Variants in SRL observed in about 807,000 individuals in gnomAD.
SRL encodes the protein sarcalumenin.
In SRL, 23 loss-of-function variants were observed where a neutral mutation model predicts 39.5. The observed-to-expected ratio is 0.58, with a 90% CI of 0.42 to 0.82. The LOEUF is 0.82. Ranked by LOEUF, SRL falls within the 40% of genes least tolerant of loss-of-function variation. The probability of loss-of-function intolerance (pLI) is 0.00; values close to 1 mark genes in which losing one functional copy is unlikely to be tolerated. For missense variants in SRL, 592 were observed against 607.8 expected (o/e 0.97, Z 0.27); for synonymous variants, 272 against 237.4 (o/e 1.15, Z -1.34).
At chr16:4,204,011 TG>T (rs2052277022) in intron 2 of SRL, among the ~76,000 whole-genome samples, 1 of 152,170 alleles carries the variant, frequency 6.6e-6, no homozygotes, top group South Asian at 2.1e-4. Flanking sequence ...GGAAGGCCTA[TG>T]GGGTGACGAG....
chr16:4,213,912 T>A (rs1224416323), intron 1 of SRL, among the ~76,000 whole-genome samples: 3 of 152,144 alleles, frequency 2.0e-5, no homozygotes, highest in Non-Finnish European at 4.4e-5. Context: ...GTCGTTTGCC[T>A]CACAAGTCAT....
chr16:4,215,957 G>A (rs1047103824), intron 1 of SRL, among the ~76,000 whole-genome samples: 4 of 152,070 alleles, frequency 2.6e-5, no homozygotes, highest in South Asian at 2.1e-4. Context: ...GACCTCTTGA[G>A]CCTAGGAGTT....
At chr16:4,211,824 T>C (rs1161199409) in intron 1 of SRL, among the ~76,000 whole-genome samples, 1 of 151,742 alleles carries the variant, frequency 6.6e-6, no homozygotes, top group Non-Finnish European at 1.5e-5. Context: ...ATGGCAGCAA[T>C]GGTGGTGATG....
intron 1 of SRL, among the ~76,000 whole-genome samples, chr16:4,216,763 C>G (rs1213998362): frequency 1.3e-5 from 2 of 152,084 alleles, no homozygotes; most frequent in Non-Finnish European, 1.5e-5. Context: ...AGGGGCCGAG[C>G]TGGGGAGGAA....
Position 4,191,753 on chromosome 16 carries a change from A to T in SRL, c.*400T>A, listed in dbSNP as rs2052068261. 1 of 172,318 alleles carries T rather than the reference A, an allele frequency of 5.8e-6. No homozygotes were observed. The highest frequency in any genetic ancestry group is 1.2e-5 in the Non-Finnish European group (1 of 81,726). 10.7% of individuals were successfully genotyped at this position (172,318 alleles called of 1,614,324 possible). On this transcript the variant is annotated 3_prime_UTR_variant, in exon 6 of 6. Coordinates refer to ENST00000399609, the MANE Select transcript of SRL (RefSeq NM_001098814.2). ...GGAAAGAAGCCAAAATGGACCTGAC[A>T]ATCTCTACGACTCAGGCCTTCGCTG...
chr16:4,223,231 C>CA (rs34513855), intron 1 of SRL, among the ~76,000 whole-genome samples: 7,470 of 95,966 alleles, frequency 0.078, 277 homozygotes, highest in African/African-American at 0.11. Flanking sequence ...AACTCTGTCT[C>CA]AAAAAAAAAA....
chr16:4,234,698 C>A (rs1042672982), intron 1 of SRL, among the ~76,000 whole-genome samples: 1 of 152,156 alleles, frequency 6.6e-6, no homozygotes, highest in Non-Finnish European at 1.5e-5. Context: ...GGGATGAGCA[C>A]AGGGGACTGG....
At chr16:4,204,716 T>C (rs1447570808) in intron 1 of SRL, 82 bp from the exon 2 acceptor site, 2 of 1,278,568 alleles carry the variant, frequency 1.6e-6, no homozygotes, top group South Asian at 1.2e-5. Flanking sequence ...AGACGAGGGC[T>C]GGGCCTCAAG....
intron 1 of SRL, among the ~76,000 whole-genome samples, chr16:4,233,309 T>A (rs1346481220): frequency 6.6e-6 from 1 of 152,236 alleles, no homozygotes; most frequent in African/African-American, 2.4e-5. Context: ...CATCTTCAGG[T>A]GTCTCTGCCT....
intron 1 of SRL, among the ~76,000 whole-genome samples, chr16:4,221,622 T>C (rs936061083): frequency 2.0e-5 from 3 of 152,326 alleles, no homozygotes; most frequent in East Asian, 1.9e-4. Context: ...AAGGCCCAGA[T>C]CCCTGCACTG....
rs190966106 is a variant in SRL at position 4,221,234 on chromosome 16, G to C, written c.62-16600C>G. On this transcript the variant is annotated intron_variant, in intron 1 of 5. Coordinates refer to ENST00000399609, the MANE Select transcript of SRL (RefSeq NM_001098814.2). The stretch of plus-strand genomic sequence containing the variant: ...CAGCTAATTTTTTGTATTTTTAGTA[G>C]AGATGGGTTTCACCATGTTAGCCAG... Among the ~76,000 whole-genome samples, 408 of 152,150 alleles carry C rather than the reference G, an allele frequency of 2.7e-3. 1 individual carries two copies. The highest frequency in any genetic ancestry group is 9.4e-3 in the African/African-American group (391 of 41,534).
Position 4,211,117 on chromosome 16 carries a change from C to A in SRL, c.62-6483G>T, listed in dbSNP as rs956498594. Among the ~76,000 whole-genome samples the A allele has an allele frequency of 2.6e-5, 4 of 151,918 alleles. No individual in the cohort carries two copies. The South Asian group carries it at 6.2e-4, about 24-fold the overall frequency. ...TTGGTCCCATGCTTCCCTTTCTCTGCAGTTTTGATTTAAATAATCCAGGGT... is the reference window on the plus strand; with the variant it reads ...TTGGTCCCATGCTTCCCTTTCTCTGAAGTTTTGATTTAAATAATCCAGGGT... On this transcript the variant is annotated intron_variant, in intron 1 of 5. Coordinates refer to ENST00000399609, the MANE Select transcript of SRL (RefSeq NM_001098814.2).
Position 4,192,223 on chromosome 16 carries a change from T to C in SRL, c.1352A>G (p.Asn451Ser), listed in dbSNP as rs1452731068. The change falls in exon 6 of 6, where the codon AAT becomes AGT. Residue 451 changes from asparagine (N) to serine (S), a missense_variant. By Grantham distance (46) the Asn-to-Ser change is conservative. Coordinates refer to ENST00000399609, the MANE Select transcript of SRL (RefSeq NM_001098814.2). This position sits in a 1 kb window ranked among gnomAD's most constrained non-coding sequence, Gnocchi z 4.0. Reference protein sequence around the residue: ...GLLGSLGLGKNPGALNCDKTG... With the variant: ...GLLGSLGLGKSPGALNCDKTG... ...TTTGTCACAGTTGAGAGCACCTGGATTCTTCCCGAGCCCGAGGCTACCCAG... is the reference window on the plus strand; with the variant it reads ...TTTGTCACAGTTGAGAGCACCTGGACTCTTCCCGAGCCCGAGGCTACCCAG... 1 of 1,607,444 alleles carries C rather than the reference T, an allele frequency of 6.2e-7. No homozygotes were observed. Among genetic ancestry groups the C allele is most frequent in the Non-Finnish European group, 8.5e-7 (1 of 1,177,594 alleles).
chr16:4,237,500 T>C (rs1351911374), intron 1 of SRL, among the ~76,000 whole-genome samples: 2 of 152,068 alleles, frequency 1.3e-5, no homozygotes, highest in Non-Finnish European at 2.9e-5. Flanking sequence ...CCCTCCCTAC[T>C]CTTCCTACAA....
chr16:4,198,242 A>T (rs1287521643), intron 3 of SRL, among the ~76,000 whole-genome samples: 2 of 152,240 alleles, frequency 1.3e-5, no homozygotes, highest in East Asian at 3.8e-4. Context: ...AGAAAAGCCC[A>T]TAGAGAAAGG....
At chr16:4,228,539 T>A (rs547664229) in intron 1 of SRL, among the ~76,000 whole-genome samples, 2 of 151,452 alleles carry the variant, frequency 1.3e-5, no homozygotes, top group Non-Finnish European at 2.9e-5. Flanking sequence ...ATCGAGACCA[T>A]CCTGGCTAAC....
rs189064352 is a variant in SRL, at chr16:4,194,985, C to T, written c.610+568G>A. On this transcript the variant is annotated intron_variant, in intron 5 of 5. Coordinates refer to ENST00000399609, the MANE Select transcript of SRL (RefSeq NM_001098814.2). ...CCACAGCTCACTGCAGCCTTGACCT[C>T]CTGGGCTCAAGCAATCCTCCCAACT... is the stretch of plus-strand genomic sequence containing the variant. 4.6e-5 allele frequency among the ~76,000 whole-genome samples: 7 copies of T among 152,140 alleles called. No homozygotes were observed. In the East Asian group the frequency reaches 1.2e-3, roughly 25 times the overall value.
Position 4,191,493 on chromosome 16 carries a change from C to T in SRL, c.*660G>A, listed in dbSNP as rs1252756326. The T allele has an allele frequency of 6.6e-6, 1 of 152,460 alleles. No homozygotes were observed. Among genetic ancestry groups the T allele is most frequent in the Non-Finnish European group, 1.5e-5 (1 of 68,244 alleles). 9.4% of individuals were successfully genotyped at this position (152,460 alleles called of 1,614,324 possible). On this transcript the variant is annotated 3_prime_UTR_variant, in exon 6 of 6. Coordinates refer to ENST00000399609, the MANE Select transcript of SRL (RefSeq NM_001098814.2). ...CTGGGCATGGTGGTAGGCCTATAAT[C>T]TCAGCTACTCAGGAGGCTGAGGCAG...
At chr16:4,219,048 C>T (rs2052492258) in intron 1 of SRL, among the ~76,000 whole-genome samples, 1 of 152,256 alleles carries the variant, frequency 6.6e-6, no homozygotes, top group African/African-American at 2.4e-5. Flanking sequence ...TCTTATTTAT[C>T]CTTATGGTTA....
Sources: allele counts gnomAD v4.1 joint callset (sites outside exome capture counted in the v4.1 genomes callset), GRCh38; gene constraint gnomAD v4.1.1; non-coding constraint Gnocchi (gnomAD v3.1); transcripts MANE v1.5; gene names NCBI Gene and HGNC (gene_info 2026-07-23, HGNC 2026-07-21).